CATSPERB: variants seen among roughly 807,000 people sequenced by gnomAD.
The protein encoded by CATSPERB is catsper channel auxiliary subunit beta.
CATSPERB carries 93 observed loss-of-function variants against 128.3 expected under a neutral mutation model. The observed-to-expected ratio is 0.72, with a 90% CI of 0.61 to 0.86. The LOEUF is 0.86. Among genes scored for constraint, CATSPERB ranks in the 40% least tolerant of loss-of-function variants. CATSPERB has a pLI of 0.00. For synonymous variants in CATSPERB, 381 were observed against 448.8 expected, an observed-to-expected ratio of 0.85 and a Z score of 1.91; for missense variants, 1,153 against 1,329.5, an observed-to-expected ratio of 0.87 and a Z score of 2.06.
chr14:91,674,756 A>G (rs1294569384), intron 11 of CATSPERB, among the ~76,000 whole-genome samples: 3 of 152,176 alleles, frequency 2.0e-5, no homozygotes, highest in African/African-American at 4.8e-5. Context: ...CTCAGTTGTA[A>G]AATTCCAGAG....
chr14:91,610,572 G>A lies in CATSPERB; in HGVS notation c.2506C>T (p.His836Tyr), dbSNP rs1893807082. ...KSSCSYLRSM[H>Y]HIPSKFIPFE... is the part of the protein sequence containing the mutation. ...GGGATAAATTTGCTAGGAATGTGATGCATAGATCTGAGATAACTACAGCTG... is the reference window on the plus strand; with the variant it reads ...GGGATAAATTTGCTAGGAATGTGATACATAGATCTGAGATAACTACAGCTG... Residue 836 changes from histidine to tyrosine, a missense_variant, in exon 21 of 27, where the codon CAT (histidine) becomes TAT (tyrosine). Physicochemically the swap from His to Tyr is moderately conservative, Grantham distance 83. Transcript: ENST00000256343. 3.7e-6 allele frequency: 6 copies of A among 1,613,910 alleles called. No homozygotes were observed. Among genetic ancestry groups the A allele is most frequent in the African/African-American group, 2.7e-5 (2 of 75,012 alleles).
At chr14:91,694,522 CAG>C (rs1895527251) in intron 7 of CATSPERB, among the ~76,000 whole-genome samples, 1 of 143,018 alleles carries the variant, frequency 7.0e-6, no homozygotes, top group Non-Finnish European at 1.5e-5. Context: ...CATAAGAGAA[CAG>C]AGGAAAATTT....
chr14:91,623,523 C>G (rs10131182), intron 18 of CATSPERB, among the ~76,000 whole-genome samples: 2,200 of 152,340 alleles, frequency 0.014, 48 homozygotes, highest in African/African-American at 0.049. Flanking sequence ...ATCTGTGTCT[C>G]TAGCCCAGCC....
intron 5 of CATSPERB, among the ~76,000 whole-genome samples, chr14:91,714,293 GAAAA>G (rs1389596375): frequency 1.4e-5 from 1 of 74,028 alleles, no homozygotes; most frequent in South Asian, 6.8e-4. Flanking sequence ...AAAAAAAAAA[GAAAA>G]AAAGAAAGAA....
intron 22 of CATSPERB, among the ~76,000 whole-genome samples, chr14:91,601,949 T>C (rs1437021525): frequency 6.6e-6 from 1 of 152,156 alleles, no homozygotes; most frequent in African/African-American, 2.4e-5. Context: ...ACATGCATTC[T>C]ACAGTGATAT....
At position 91,719,581 on chromosome 14, in the gene CATSPERB, A is replaced by G. The variant is rs759347690; in HGVS notation, c.310-103T>C. The G allele has an allele frequency of 4.4e-4, 339 of 769,996 alleles. 1 individual carries two copies. The highest frequency in any genetic ancestry group is 7.9e-4 in the Admixed American group (30 of 38,010). The allele number at this position is 769,996 out of a possible 1,614,324, so 47.7% of individuals were successfully genotyped here. On this transcript the variant is annotated intron_variant, in intron 4 of 26. Coordinates refer to ENST00000256343, the MANE Select transcript of CATSPERB (RefSeq NM_024764.4). ...AAAGAGAATTAAACAAAAACATCCA[A>G]TGCATATACCTTTTACCTAGAAATT...
intron 15 of CATSPERB, among the ~76,000 whole-genome samples, chr14:91,656,376 C>T (rs916379821): frequency 1.3e-5 from 2 of 151,962 alleles, no homozygotes; most frequent in Admixed American, 1.3e-4. Context: ...ATAACTACAA[C>T]AACTTTTCAA....
At chr14:91,662,878 T>G (rs1405686355) in intron 14 of CATSPERB, among the ~76,000 whole-genome samples, 2 of 152,252 alleles carry the variant, frequency 1.3e-5, no homozygotes, top group Non-Finnish European at 2.9e-5. Context: ...TCCTTTTTGC[T>G]ATTAGGTTGT....
chr14:91,587,935 T>C (rs1404065129), intron 25 of CATSPERB, 43 bp downstream of exon 25: 1 of 1,244,434 alleles, frequency 8.0e-7, no homozygotes, highest in East Asian at 2.3e-5. Flanking sequence ...CATACATGTT[T>C]TATCTAAACT....
rs1183322336 is a variant in CATSPERB at position 91,580,855 on chromosome 14, T to C, written c.*34A>G. On this transcript the variant is annotated 3_prime_UTR_variant, in exon 27 of 27. Coordinates refer to ENST00000256343, the MANE Select transcript of CATSPERB (RefSeq NM_024764.4). The stretch of plus-strand genomic sequence containing the variant: ...TGTTCTAGGAATTGGCTGATAAAAC[T>C]AGAAAATAAAGAGAAATTATGATCA... 1.9e-6 allele frequency: 3 copies of C among 1,549,358 alleles called. No homozygotes were observed. Among genetic ancestry groups the C allele is most frequent in the East Asian group, 2.2e-5 (1 of 44,446 alleles).
At chr14:91,605,445 G>A (rs1704653) in intron 22 of CATSPERB, 233,682 of 465,736 alleles carry the variant, frequency 0.5, 59,432 homozygotes, top group Admixed American at 0.58. Flanking sequence ...AGTATCAAGA[G>A]GTTGGGATGA....
chr14:91,636,463 C>T lies in CATSPERB; in HGVS notation c.1704G>A (p.Lys568=), dbSNP rs140225199. 2,370 of 1,614,118 alleles carry T rather than the reference C, an allele frequency of 1.5e-3. 2 individuals carry two copies. Among genetic ancestry groups the T allele is most frequent in the Non-Finnish European group, 1.9e-3 (2,195 of 1,180,010 alleles). The stretch of plus-strand genomic sequence containing the variant: ...CTTTTCCATAGTGTATATTGCCGAA[C>T]TTCTTGCTGTAGATCGTTTCCTGGG... The part of the protein sequence containing the change: ...NEPQETIYSK[K]FGNIHYGKVI... The change falls in exon 17 of 27, where the codon AAG becomes AAA. Residue 568 remains lysine, a synonymous_variant. Coordinates refer to ENST00000256343, the MANE Select transcript of CATSPERB (RefSeq NM_024764.4).
At chr14:91,715,848 G>C (rs1194226923) in intron 5 of CATSPERB, among the ~76,000 whole-genome samples, 2 of 152,088 alleles carry the variant, frequency 1.3e-5, no homozygotes, top group Non-Finnish European at 2.9e-5. Context: ...GAGATAAAAA[G>C]TTTTCACAAT....
intron 15 of CATSPERB, 141 bp downstream of exon 15, chr14:91,659,696 T>C: frequency 1.4e-6 from 1 of 718,908 alleles, no homozygotes; most frequent in East Asian, 3.0e-5. Flanking sequence ...CATAGGATCC[T>C]ACTTCTGTAG....
At position 91,636,539 on chromosome 14, in the gene CATSPERB, T is replaced by G. The variant is rs1475395144; in HGVS notation, c.1628A>C (p.His543Pro). The change falls in exon 17 of 27, where the codon CAC (histidine) becomes CCC (proline). Residue 543 changes from histidine (H) to proline (P), a missense_variant. His to Pro is a moderately conservative substitution (Grantham distance 77). Coordinates refer to ENST00000256343, the MANE Select transcript of CATSPERB (RefSeq NM_024764.4). ...MGFETALAPQ[H>P]TSLDEIIFFA... is the part of the protein sequence containing the mutation. ...AAAGATAATTTCATCTAAGGAGGTG[T>G]GCTGTGGGGCAAGCGCAGTCTCAAA... The G allele has an allele frequency of 6.2e-7, 1 of 1,614,010 alleles. No homozygotes were observed. Among genetic ancestry groups the G allele is most frequent in the Admixed American group, 1.7e-5 (1 of 59,984 alleles).
At chr14:91,694,363 G>C (rs1895521619) in intron 7 of CATSPERB, among the ~76,000 whole-genome samples, 1 of 147,994 alleles carries the variant, frequency 6.8e-6, no homozygotes, top group Non-Finnish European at 1.5e-5. Context: ...AGGATCGGTT[G>C]AGCTTGGGAG....
chr14:91,643,055 A>AT (rs1312089155), intron 15 of CATSPERB, among the ~76,000 whole-genome samples: 1 of 66,332 alleles, frequency 1.5e-5, no homozygotes, highest in Non-Finnish European at 3.0e-5. Flanking sequence ...CGGTGGTGAT[A>AT]TCCCCTTTAT....
chr14:91,617,316 T>C (rs555980645), intron 20 of CATSPERB, among the ~76,000 whole-genome samples: 116 of 152,338 alleles, frequency 7.6e-4, no homozygotes, highest in African/African-American at 2.7e-3. Flanking sequence ...TAAAAAAATA[T>C]GATTCTGAAA....
intron 7 of CATSPERB, among the ~76,000 whole-genome samples, chr14:91,701,255 A>G (rs865990905): frequency 5.9e-5 from 9 of 152,212 alleles, no homozygotes; most frequent in African/African-American, 1.7e-4. Context: ...AAAAAGCTCC[A>G]TGTTTCAAAC....
Sources: gnomAD v4.1 joint callset for allele counts (sites outside exome capture counted in the v4.1 genomes callset) on GRCh38, gnomAD v4.1.1 for gene constraint, MANE v1.5 for transcripts, NCBI Gene and HGNC (gene_info 2026-07-23, HGNC 2026-07-21) for gene names.